The following LGALS8 variants were observed in gnomAD, a reference collection of about 807,000 sequenced individuals.
LGALS8 encodes galectin-8.
Under a neutral mutation model 35.9 loss-of-function variants are expected in LGALS8, and 30 were observed. That is an observed-to-expected ratio of 0.83 (90% confidence interval 0.62 to 1.13). LGALS8 has a LOEUF of 1.13. LGALS8 is among the 50% of genes most tolerant of loss of function. The probability of loss-of-function intolerance (pLI) is 0.00; values close to 1 mark genes in which losing one functional copy is unlikely to be tolerated. For synonymous variants in LGALS8, 138 were observed against 136.1 expected (o/e 1.01, Z -0.10); for missense variants, 366 against 388.7 (o/e 0.94, Z 0.49).
intron 7 of LGALS8, chr1:236,543,173 C>A (rs188775373): frequency 2.6e-6 from 2 of 770,512 alleles, no homozygotes; most frequent in African/African-American, 1.7e-5. Flanking sequence ...TGGACGGATT[C>A]GAGAGTCAAC....
intron 1 of LGALS8, chr1:236,524,324 C>A (rs1037539200): frequency 4.4e-6 from 2 of 456,216 alleles, no homozygotes; most frequent in Non-Finnish European, 4.4e-6. Flanking sequence ...TCTTGGACAT[C>A]CCTGGCTGGG....
intron 1 of LGALS8, 127 bp downstream of exon 1, chr1:236,524,188 G>T: frequency 2.2e-6 from 1 of 456,596 alleles, no homozygotes; most frequent in Middle Eastern, 3.3e-4. Flanking sequence ...TGATGGGTGG[G>T]ACAGTGTCCA....
chr1:236,533,007 C>T (rs935269367), intron 2 of LGALS8, among the ~76,000 whole-genome samples: 7 of 152,230 alleles, frequency 4.6e-5, no homozygotes, highest in East Asian at 1.9e-4. Flanking sequence ...CGTTTCACGC[C>T]AGGCTTATGG....
rs1294290965 is a variant in LGALS8 at position 236,524,008 on chromosome 1, T to A, written c.-157T>A. 1 of 415,650 alleles carries A rather than the reference T, an allele frequency of 2.4e-6. No individual in the cohort carries two copies. The highest frequency in any genetic ancestry group is 4.9e-6 in the Non-Finnish European group (1 of 205,268). The allele number at this position is 415,650 out of a possible 1,614,324, so 25.7% of individuals were successfully genotyped here. A position where few individuals can be genotyped will look rare whatever the true frequency, so the allele number is the denominator to read the frequency against. ...CCAGAGCCGGGAACCCTGACGGCAC[T>A]TAGCTGCTGACAAACAACCTGCTCC... is the stretch of plus-strand genomic sequence containing the variant. On this transcript the variant is annotated 5_prime_UTR_variant, in exon 1 of 10. Transcript: ENST00000366584.
upstream of LGALS8, among the ~76,000 whole-genome samples, chr1:236,519,035 T>C (rs1343234828): frequency 6.6e-6 from 1 of 152,132 alleles, no homozygotes; most frequent in Non-Finnish European, 1.5e-5. Flanking sequence ...AATCATGATT[T>C]TTTTACTAGT....
At chr1:236,531,943 C>T (rs112212879) in intron 2 of LGALS8, among the ~76,000 whole-genome samples, 2,503 of 152,234 alleles carry the variant, frequency 0.016, 63 homozygotes, top group East Asian at 0.084. Flanking sequence ...GTTCCAAGGT[C>T]GCCTCCCAGT....
chr1:236,527,797 G>A (rs1660898821), intron 2 of LGALS8, among the ~76,000 whole-genome samples: 1 of 151,750 alleles, frequency 6.6e-6, no homozygotes, highest in South Asian at 2.1e-4. Flanking sequence ...GTGAAATGAT[G>A]CAATCTCGGC....
At chr1:236,519,456 G>T (rs1175909663), upstream of LGALS8, among the ~76,000 whole-genome samples, 1 of 152,062 alleles carries the variant, frequency 6.6e-6, no homozygotes, top group African/African-American at 2.4e-5. Context: ...GGCTTCTTGG[G>T]CAAGGAAAGA....
chr1:236,541,814 A>G lies in LGALS8; in HGVS notation c.522+104A>G, dbSNP rs1472933059. On this transcript the variant is annotated intron_variant, in intron 6 of 9. Transcript: ENST00000366584. ...CTGGGTTTTTGAAAATTATGCTTTT[A>G]GAACGCAAGTAATCACTTGAAAATT... 5 of 582,712 alleles carry G rather than the reference A, an allele frequency of 8.6e-6. No homozygotes were observed. In the East Asian group the frequency reaches 1.6e-4, roughly 19 times the overall value. The allele number at this position is 582,712 out of a possible 1,614,324, so 36.1% of individuals were successfully genotyped here.
At position 236,542,639 on chromosome 1, in the gene LGALS8, C is replaced by T. The variant is rs563091644; in HGVS notation, c.523-122C>T. ...AGCACCAGCTGCCTGGAGGTCACAC[C>T]AGAGTGGAGCAGGAACATCCCAGGC... On this transcript the variant is annotated intron_variant, in intron 6 of 9. Coordinates refer to ENST00000366584, the MANE Select transcript of LGALS8 (RefSeq NM_201544.4). 27 of 992,220 alleles carry T rather than the reference C, an allele frequency of 2.7e-5. No homozygotes were observed. The Admixed American group carries it at 3.6e-4, about 13-fold the overall frequency. The allele number at this position is 992,220 out of a possible 1,614,324, so 61.5% of individuals were successfully genotyped here.
At chr1:236,520,281 A>G (rs1479134534), upstream of LGALS8, among the ~76,000 whole-genome samples, 3 of 151,716 alleles carry the variant, frequency 2.0e-5, no homozygotes, top group African/African-American at 7.3e-5. Flanking sequence ...CGTAATTTTA[A>G]GTATGTGTGT....
In LGALS8 at chr1:236,548,433, C is replaced by G. The variant is rs935512758; in HGVS notation, c.*272C>G. 2.2e-6 allele frequency: 1 copy of G among 448,244 alleles called. No homozygotes were observed. Among genetic ancestry groups the G allele is most frequent in the African/African-American group, 2.0e-5 (1 of 50,792 alleles). 27.8% of individuals were successfully genotyped at this position (448,244 alleles called of 1,614,324 possible). ...CTGACTCTTCAAGAATGCCATTCAA[C>G]AAGTATTTATGGAGTACCTACTATA... On this transcript the variant is annotated 3_prime_UTR_variant, in exon 10 of 10. Coordinates refer to ENST00000366584, the MANE Select transcript of LGALS8 (RefSeq NM_201544.4).
rs1558168153 is a variant in LGALS8 at position 236,544,866 on chromosome 1, AAGAG to A, written c.759_762del (p.Arg254IlefsTer15). The A allele has an allele frequency of 9.3e-6, 15 of 1,613,936 alleles. No homozygotes were observed. Among genetic ancestry groups the A allele is most frequent in the Non-Finnish European group, 1.3e-5 (15 of 1,179,884 alleles). On this transcript the variant is annotated frameshift_variant, in exon 9 of 10. Transcript: ENST00000366584. LOFTEE classifies it high-confidence loss of function. The stretch of plus-strand genomic sequence containing the variant: ...TTTCTTCAGGAGTCCTGGGGAGAAG[AAGAG>A]AGAAATATTACCTCTTTCCCATTTA...
chr1:236,550,208 T>TC lies in LGALS8; in HGVS notation c.*2049dup, dbSNP rs899425705. 6.6e-6 allele frequency: 1 copy of TC among 152,208 alleles called. No homozygotes were observed. Among genetic ancestry groups the TC allele is most frequent in the African/African-American group, 2.4e-5 (1 of 41,432 alleles). The allele number at this position is 152,208 out of a possible 1,614,324, so 9.4% of individuals were successfully genotyped here. A position where few individuals can be genotyped will look rare whatever the true frequency, so the allele number is the denominator to read the frequency against. On this transcript the variant is annotated 3_prime_UTR_variant, in exon 10 of 10. Transcript: ENST00000366584. ...GTTCATTCTGAATCCTGGAGGAGCT[T>TC]CCTCGTGCCACCCAGTGTTTCTGGG...
intron 2 of LGALS8, among the ~76,000 whole-genome samples, chr1:236,535,189 T>G (rs1337304792): frequency 6.6e-6 from 1 of 151,978 alleles, no homozygotes; most frequent in South Asian, 2.1e-4. Context: ...ATGCTTATTA[T>G]AGACATCTGC....
chr1:236,524,291 G>C, intron 1 of LGALS8: 1 of 456,670 alleles, frequency 2.2e-6, no homozygotes, highest in Non-Finnish European at 4.4e-6. Context: ...GGGGCATAAG[G>C]GATTATCAGG....
intron 3 of LGALS8, 124 bp downstream of exon 3, chr1:236,537,709 G>T: frequency 1.4e-6 from 1 of 735,598 alleles, no homozygotes; most frequent in Non-Finnish European, 2.4e-6. Context: ...TTCATCAGCA[G>T]CCCTGGCCAA....
chr1:236,552,672 TATA>T lies in LGALS8; in HGVS notation c.*4516_*4518del, dbSNP rs1176350239. Reference sequence around the variant, plus strand: ...CTAGGTGTTCCTCACATGCCTTGTCTATAATAAGGAAAGCAAGCAGTAGTTGGG... The same window carrying T: ...CTAGGTGTTCCTCACATGCCTTGTCTATAAGGAAAGCAAGCAGTAGTTGGG... On this transcript the variant is annotated 3_prime_UTR_variant, in exon 10 of 10. Coordinates refer to ENST00000366584, the MANE Select transcript of LGALS8 (RefSeq NM_201544.4). 6.6e-6 allele frequency: 1 copy of T among 152,394 alleles called. No homozygotes were observed. The highest frequency in any genetic ancestry group is 2.4e-5 in the African/African-American group (1 of 41,594). 9.4% of individuals were successfully genotyped at this position (152,394 alleles called of 1,614,324 possible).
In LGALS8 at chr1:236,529,842, G is replaced by A. The variant is rs561812607; in HGVS notation, c.45+3727G>A. On this transcript the variant is annotated intron_variant, in intron 2 of 9. Transcript: ENST00000366584. ...TGTTCTTTTGTATTTTAGTAGAGAC[G>A]GGGTTTCACCATGTTGGCCAGCCTG... Among the ~76,000 whole-genome samples, 439 of 151,960 alleles carry A rather than the reference G, an allele frequency of 2.9e-3. 5 individuals carry two copies. Among genetic ancestry groups the A allele is most frequent in the African/African-American group, 1.0e-2 (413 of 41,466 alleles).
Sources: allele counts gnomAD v4.1 joint callset (sites outside exome capture counted in the v4.1 genomes callset), GRCh38; gene constraint gnomAD v4.1.1; transcripts MANE v1.5; gene names NCBI Gene and HGNC (gene_info 2026-07-23, HGNC 2026-07-21).